Variants in DENND4C observed in about 807,000 individuals in gnomAD.
The protein encoded by DENND4C is DENN domain containing 4C.
DENND4C carries 108 observed loss-of-function variants against 203.0 expected under a neutral mutation model. The observed-to-expected ratio is 0.53, with a 90% CI of 0.46 to 0.62. The LOEUF is 0.62. Ranked by LOEUF, DENND4C falls within the 20% of genes least tolerant of loss-of-function variation. The pLI is 0.00. For missense variants in DENND4C, 2,481 were observed against 2,301.2 expected (o/e 1.08, Z -1.60); for synonymous variants, 871 against 792.4 (o/e 1.10, Z -1.67).
intron 26 of DENND4C, among the ~76,000 whole-genome samples, chr9:19,356,588 G>A (rs913453567): frequency 1.3e-5 from 2 of 151,972 alleles, no homozygotes; most frequent in African/African-American, 4.8e-5. Context: ...ATATCTTAAA[G>A]TGCTGCTACT....
intron 17 of DENND4C, among the ~76,000 whole-genome samples, chr9:19,332,391 C>G (rs1469136789): frequency 3.9e-5 from 6 of 152,062 alleles, no homozygotes; most frequent in Middle Eastern, 3.2e-3. Context: ...GAGTCTCACT[C>G]TGTCACCCAG....
At chr9:19,361,784 C>T (rs1043075482) in intron 29 of DENND4C, 62 bp from the exon 30 acceptor site, 57 of 994,438 alleles carry the variant, frequency 5.7e-5, no homozygotes, top group Non-Finnish European at 9.0e-5. Context: ...AATCAAGCTT[C>T]ACTAGATCTA....
At chr9:19,254,853 C>T (rs1315941308) in intron 1 of DENND4C, among the ~76,000 whole-genome samples, 6 of 152,010 alleles carry the variant, frequency 3.9e-5, no homozygotes, top group South Asian at 2.1e-4. Context: ...TGGCCGGGAC[C>T]GGGTGTGGGG....
chr9:19,279,080 C>G (rs184856543), intron 2 of DENND4C, among the ~76,000 whole-genome samples: 1 of 82,206 alleles, frequency 1.2e-5, no homozygotes, highest in Admixed American at 1.2e-4. Flanking sequence ...CCTGTAATCC[C>G]AGCACTTTGG....
intron 12 of DENND4C, among the ~76,000 whole-genome samples, chr9:19,317,181 C>CTTT (rs11331413): frequency 3.9e-5 from 5 of 126,958 alleles, no homozygotes; most frequent in South Asian, 2.6e-4. Context: ...GATTTGTACA[C>CTTT]TTTTTTTTTT....
intron 12 of DENND4C, among the ~76,000 whole-genome samples, chr9:19,322,167 T>C (rs1345900216): frequency 6.6e-6 from 1 of 152,114 alleles, no homozygotes; most frequent in African/African-American, 2.4e-5. Context: ...GAAAATTAAA[T>C]TGATTCCAGA....
Position 19,331,943 on chromosome 9 carries a change from T to C in DENND4C, c.2254-35T>C, listed in dbSNP as rs922224352. The C allele has an allele frequency of 1.9e-6, 3 of 1,557,110 alleles. No individual in the cohort carries two copies. In the African/African-American group the frequency reaches 4.1e-5, roughly 21 times the overall value. ...ACTTCTCCCCTCACCCTAATGAATT[T>C]TAGTAAATATCATAATATTTTATTC... On this transcript the variant is annotated intron_variant, in intron 16 of 32. Transcript: ENST00000434457.
Position 19,336,375 on chromosome 9 carries a change from A to G in DENND4C, c.2695A>G (p.Lys899Glu), listed in dbSNP as rs751362729. 13 of 1,613,964 alleles carry G rather than the reference A, an allele frequency of 8.1e-6. No individual in the cohort carries two copies. In the South Asian group the frequency reaches 1.4e-4, roughly 18 times the overall value. The stretch of plus-strand genomic sequence containing the variant: ...CTTGGCACAGTTTAGGCAGCCGCTT[A>G]AAAAGACTGTGCAAAGGTCACAGGT... ...RGLAQFRQPL[K>E]KTVQRSQVSS... Residue 899 changes from lysine (K) to glutamate (E), a missense_variant, in exon 19 of 33, where the codon AAA (lysine) becomes GAA (glutamate). Physicochemically the swap from Lys to Glu is moderately conservative, Grantham distance 56. Around this residue, in one of 3 missense-constraint regions of DENND4C, gnomAD observed 2,289 missense variants for 2,113.3 expected, o/e 1.08. Coordinates refer to ENST00000434457, the MANE Select transcript of DENND4C (RefSeq NM_001330640.2).
At chr9:19,315,507 A>G (rs528277587) in intron 10 of DENND4C, among the ~76,000 whole-genome samples, 9 of 150,876 alleles carry the variant, frequency 6.0e-5, no homozygotes, top group East Asian at 5.8e-4. Flanking sequence ...ATATATATAC[A>G]TGTATGTATA....
At chr9:19,232,231 G>A (rs181509126) in intron 1 of DENND4C, among the ~76,000 whole-genome samples, 152 of 152,168 alleles carry the variant, frequency 1.0e-3, no homozygotes, top group Non-Finnish European at 1.9e-4. Context: ...TCATGAACAT[G>A]ATCTGCCTGT....
Position 19,371,802 on chromosome 9 carries a change from A to G in DENND4C, c.5722A>G (p.Arg1908Gly), listed in dbSNP as rs548898344. ...ILFLSLVSLG[R>G]ENIDIEAFDN... ...CTTCTTATCATTAGTGTCTCTAGGA[A>G]GAGAGAATATTGATATTGGTAAGTT... The change falls in exon 32 of 33, where the codon AGA becomes GGA. Residue 1908 changes from arginine to glycine, a missense_variant. Arg to Gly is a moderately radical substitution (Grantham distance 125). Transcript: ENST00000434457. 4 of 1,456,882 alleles carry G rather than the reference A, an allele frequency of 2.7e-6. No homozygotes were observed. The South Asian group carries it at 3.7e-5, about 13-fold the overall frequency. The allele number at this position is 1,456,882 out of a possible 1,614,324, so 90.2% of individuals were successfully genotyped here. A position where few individuals can be genotyped will look rare whatever the true frequency, so the allele number is the denominator to read the frequency against.
At chr9:19,370,711 A>G (rs983604354) in intron 31 of DENND4C, among the ~76,000 whole-genome samples, 1 of 152,250 alleles carries the variant, frequency 6.6e-6, no homozygotes. Flanking sequence ...TACAAAGGAT[A>G]TGGAGTTATT....
intron 16 of DENND4C, among the ~76,000 whole-genome samples, chr9:19,328,649 G>GTCTA (rs763263623): frequency 9.6e-4 from 135 of 140,080 alleles, no homozygotes; most frequent in East Asian, 1.2e-3. Flanking sequence ...CTGTCTGTCT[G>GTCTA]TCTGTCTGTC....
chr9:19,246,861 GA>G (rs1039320971), intron 1 of DENND4C, among the ~76,000 whole-genome samples: 2 of 151,872 alleles, frequency 1.3e-5, no homozygotes, highest in East Asian at 1.9e-4. Context: ...ATGGCAAAAG[GA>G]AAAAAACAAA....
chr9:19,267,569 C>T (rs907183539), intron 1 of DENND4C, among the ~76,000 whole-genome samples: 2 of 152,060 alleles, frequency 1.3e-5, no homozygotes, highest in Non-Finnish European at 2.9e-5. Context: ...CCGGTTCTCA[C>T]TTTATCCCCC....
Position 19,358,140 on chromosome 9 carries a change from A to G in DENND4C, c.5140A>G (p.Asn1714Asp), listed in dbSNP as rs1825775458. 1.2e-6 allele frequency: 2 copies of G among 1,613,534 alleles called. No homozygotes were observed. The highest frequency in any genetic ancestry group is 1.7e-6 in the Non-Finnish European group (2 of 1,179,662). Reference protein sequence around the residue: ...FHGISTVSLPNSLQEVVDPLG... With the variant: ...FHGISTVSLPDSLQEVVDPLG... Reference sequence around the variant, plus strand: ...TGGCATCTCAACAGTTAGTCTTCCAAATAGTCTGCAGGAAGTTGTGGTATG... The same window carrying G: ...TGGCATCTCAACAGTTAGTCTTCCAGATAGTCTGCAGGAAGTTGTGGTATG... The change falls in exon 28 of 33, where the codon AAT becomes GAT. Residue 1714 changes from asparagine (N) to aspartate (D), a missense_variant. Transcript: ENST00000434457. The surrounding 1 kb of genome is among the most constrained non-coding windows in gnomAD (Gnocchi z 4.8).
At chr9:19,320,660 G>A (rs1271942301) in intron 12 of DENND4C, among the ~76,000 whole-genome samples, 1 of 152,202 alleles carries the variant, frequency 6.6e-6, no homozygotes, top group African/African-American at 2.4e-5. Context: ...TTGGCAAGAA[G>A]TGCCAAAATA....
intron 19 of DENND4C, 124 bp from the exon 20 acceptor site, chr9:19,336,562 T>G: frequency 7.0e-7 from 1 of 1,430,836 alleles, no homozygotes; most frequent in Non-Finnish European, 9.2e-7. Flanking sequence ...CCAAAATTAT[T>G]TTTGTTTTTT....
At chr9:19,348,619 C>G (rs1272636644) in intron 23 of DENND4C, among the ~76,000 whole-genome samples, 1 of 151,852 alleles carries the variant, frequency 6.6e-6, no homozygotes, top group African/African-American at 2.4e-5. Flanking sequence ...ACGTATAAGA[C>G]TTTTATACCA....
Sources: allele counts gnomAD v4.1 joint callset (sites outside exome capture counted in the v4.1 genomes callset), GRCh38; gene constraint gnomAD v4.1.1; regional missense constraint gnomAD v4.1.1; non-coding constraint Gnocchi (gnomAD v3.1); transcripts MANE v1.5; gene names NCBI Gene and HGNC (gene_info 2026-07-23, HGNC 2026-07-21).